Variants in STK11IP observed in about 807,000 individuals in gnomAD.
STK11IP encodes the protein serine/threonine kinase 11 interacting protein.
STK11IP carries 103 observed loss-of-function variants against 131.7 expected under a neutral mutation model. The ratio of observed to expected loss-of-function variants is 0.78; its 90% CI spans 0.67 to 0.92. STK11IP has a LOEUF of 0.92. Among genes scored for constraint, STK11IP ranks in the 40% least tolerant of loss-of-function variants. The probability of loss-of-function intolerance (pLI) is 0.00; values close to 1 mark genes in which losing one functional copy is unlikely to be tolerated. For synonymous variants in STK11IP, 557 were observed against 575.6 expected (o/e 0.97, Z 0.46); for missense variants, 1,315 against 1,385.7 (o/e 0.95, Z 0.81).
Position 219,608,211 on chromosome 2 carries a change from G to A in STK11IP, c.1384G>A (p.Gly462Ser), listed in dbSNP as rs756144480. ...CAGTGCACCTCCAGCCAGCTCCCAGGGCCCCGACACTGCACCCAGACCTTC... is the reference window on the plus strand; with the variant it reads ...CAGTGCACCTCCAGCCAGCTCCCAGAGCCCCGACACTGCACCCAGACCTTC... ...APSAPPASSQGPDTAPRPSPP... is the reference protein window; with the variant it reads ...APSAPPASSQSPDTAPRPSPP... Residue 462 changes from glycine (G) to serine (S), a missense_variant, in exon 14 of 25, where the codon GGC becomes AGC. Coordinates refer to ENST00000456909, the MANE Select transcript of STK11IP (RefSeq NM_052902.4). 3.7e-6 allele frequency: 6 copies of A among 1,613,482 alleles called. No homozygotes were observed. The East Asian group carries it at 1.1e-4, about 30-fold the overall frequency.
Position 219,608,321 on chromosome 2 carries a change from A to AGAGGAGAAGGAGGGGAAG in STK11IP, c.1508_1525dup (p.Gly503_Glu508dup). 6.2e-7 allele frequency: 1 copy of AGAGGAGAAGGAGGGGAAG among 1,604,404 alleles called. No individual in the cohort carries two copies. ...TCAGGGCGGAGCCACAGGAGGAGGAAGAGGAGAAGGAGGGGAAGGAGGAGA... is the reference window on the plus strand; with the variant it reads ...TCAGGGCGGAGCCACAGGAGGAGGAAGAGGAGAAGGAGGGGAAGGAGGAGAAGGAGGGGAAGGAGGAGA... On this transcript the variant is annotated inframe_insertion, in exon 14 of 25. Coordinates refer to ENST00000456909, the MANE Select transcript of STK11IP (RefSeq NM_052902.4).
intron 23 of STK11IP, 122 bp from the exon 24 acceptor site, chr2:219,614,972 C>G: frequency 8.2e-7 from 1 of 1,220,900 alleles, no homozygotes; most frequent in Non-Finnish European, 1.1e-6. Flanking sequence ...GGGGCACAGG[C>G]TGCTTTGTGA....
intron 17 of STK11IP, 160 bp downstream of exon 17, chr2:219,609,700 C>A: frequency 9.0e-6 from 7 of 781,138 alleles, no homozygotes; most frequent in South Asian, 1.8e-5. Flanking sequence ...CTGCCTGCTG[C>A]ATTTACAAAA....
chr2:219,610,359 G>A lies in STK11IP; in HGVS notation c.2104+819G>A, dbSNP rs547475622. ...TCTCTGGAGCCTCTTCCATGGTGGC[G>A]TTATTAATGAACATTACTGTGGGCT... On this transcript the variant is annotated intron_variant, in intron 17 of 24. Transcript: ENST00000456909. Among the ~76,000 whole-genome samples, 87 of 152,036 alleles carry A rather than the reference G, an allele frequency of 5.7e-4. 1 individual carries two copies. Among genetic ancestry groups the A allele is most frequent in the African/African-American group, 2.0e-3 (83 of 41,486 alleles).
At chr2:219,601,496 G>A (rs1261441375) in intron 3 of STK11IP, 56 bp downstream of exon 3, 2 of 1,590,866 alleles carry the variant, frequency 1.3e-6, no homozygotes, top group African/African-American at 1.3e-5. Flanking sequence ...AATGATGGAA[G>A]TTGGGGATAG....
chr2:219,616,205 T>C lies in STK11IP; in HGVS notation c.*12T>C. On this transcript the variant is annotated 3_prime_UTR_variant, in exon 25 of 25. Transcript: ENST00000456909. ...CCCTTGACCGATGAGGGTCCCACGC[T>C]GACCTTGGCCCTGACCTCAGGAGCC... 3.1e-6 allele frequency: 5 copies of C among 1,611,288 alleles called. No homozygotes were observed. The highest frequency in any genetic ancestry group is 4.2e-6 in the Non-Finnish European group (5 of 1,178,796).
At position 219,605,499 on chromosome 2, in the gene STK11IP, G is replaced by A. The variant is rs1001197546; in HGVS notation, c.619-109G>A. The A allele has an allele frequency of 1.2e-5, 13 of 1,043,228 alleles. No homozygotes were observed. In the African/African-American group the frequency reaches 1.9e-4, roughly 15 times the overall value. The allele number at this position is 1,043,228 out of a possible 1,614,324, so 64.6% of individuals were successfully genotyped here. A position where few individuals can be genotyped will look rare whatever the true frequency, so the allele number is the denominator to read the frequency against. The stretch of plus-strand genomic sequence containing the variant: ...ATGAAATCATTTGTGCTGAGTGTGT[G>A]CAGTTTTATATAGGCCAAGGTTGAG... On this transcript the variant is annotated intron_variant, in intron 7 of 24. Coordinates refer to ENST00000456909, the MANE Select transcript of STK11IP (RefSeq NM_052902.4).
Position 219,602,128 on chromosome 2 carries a change from T to C in STK11IP, c.438+45T>C, listed in dbSNP as rs1046607210. The C allele has an allele frequency of 7.1e-6, 10 of 1,399,204 alleles. No individual in the cohort carries two copies. In the Middle Eastern group the frequency reaches 1.4e-3, roughly 196 times the overall value. The allele number at this position is 1,399,204 out of a possible 1,614,324, so 86.7% of individuals were successfully genotyped here. On this transcript the variant is annotated intron_variant, in intron 5 of 24. Coordinates refer to ENST00000456909, the MANE Select transcript of STK11IP (RefSeq NM_052902.4). Reference sequence around the variant, plus strand: ...AGCTCAGACACCTCAACTTGAGAGATGTAGAAGACCAAGCTCTGATGTTCT... The same window carrying C: ...AGCTCAGACACCTCAACTTGAGAGACGTAGAAGACCAAGCTCTGATGTTCT...
rs745905689 is a variant in STK11IP, at chr2:219,607,119, C to G, written c.1201C>G (p.Leu401Val). 1 of 1,613,950 alleles carries G rather than the reference C, an allele frequency of 6.2e-7. No homozygotes were observed. Among genetic ancestry groups the G allele is most frequent in the South Asian group, 1.1e-5 (1 of 91,088 alleles). Residue 401 changes from leucine (L) to valine (V), a missense_variant, in exon 13 of 25, where the codon CTG becomes GTG. Coordinates refer to ENST00000456909, the MANE Select transcript of STK11IP (RefSeq NM_052902.4). Reference protein sequence around the residue: ...PSDTDPEPRTLNPSPAGWFVQ... With the variant: ...PSDTDPEPRTVNPSPAGWFVQ... ...TGATACGGACCCGGAGCCCCGAACT[C>G]TGAACCCCTCTCCGGCTGGTAAGTC... is the stretch of plus-strand genomic sequence containing the variant.
Position 219,608,567 on chromosome 2 carries a change from C to T in STK11IP, c.1604-16C>T, listed in dbSNP as rs1698280751. ...CTTTCCCTCCCTGCAGGCCTTTTCT[C>T]TTGGTCTCTCCACAGCGGAACTCTG... On this transcript the variant is annotated splice_polypyrimidine_tract_variant and intron_variant, in intron 14 of 24. Coordinates refer to ENST00000456909, the MANE Select transcript of STK11IP (RefSeq NM_052902.4). 1 of 1,566,862 alleles carries T rather than the reference C, an allele frequency of 6.4e-7. No individual in the cohort carries two copies. Among genetic ancestry groups the T allele is most frequent in the African/African-American group, 1.4e-5 (1 of 73,472 alleles).
At position 219,611,663 on chromosome 2, in the gene STK11IP, C is replaced by T. The variant is rs766908488; in HGVS notation, c.2164C>T (p.Arg722Trp). 1.3e-5 allele frequency: 21 copies of T among 1,613,066 alleles called. No homozygotes were observed. Among genetic ancestry groups the T allele is most frequent in the South Asian group, 8.8e-5 (8 of 91,076 alleles). The change falls in exon 18 of 25, where the codon CGG (arginine) becomes TGG (tryptophan). Residue 722 changes from arginine (R) to tryptophan (W), a missense_variant. Physicochemically the swap from Arg to Trp is moderately radical, Grantham distance 101. Transcript: ENST00000456909. ...CCACGTGGTTCTCCTCGCTGTGTCT[C>T]GGGGAACCCCCAACAGGGAGCGGAA... ...SDHVVLLAVS[R>W]GTPNRERKQG...
chr2:219,603,525 TTC>T (rs1420015368), intron 7 of STK11IP, among the ~76,000 whole-genome samples: 1 of 151,700 alleles, frequency 6.6e-6, no homozygotes, highest in Non-Finnish European at 1.5e-5. Flanking sequence ...GATTTTTTTT[TTC>T]TTTTTTTTTT....
chr2:219,598,538 G>A (rs1269008522), intron 2 of STK11IP: 2 of 199,704 alleles, frequency 1.0e-5, no homozygotes, highest in Non-Finnish European at 1.0e-5. Flanking sequence ...AGAAGCACGA[G>A]ATTTGGAGTC....
At chr2:219,607,599 C>A (rs1179410721) in intron 13 of STK11IP, among the ~76,000 whole-genome samples, 1 of 151,858 alleles carries the variant, frequency 6.6e-6, no homozygotes, top group Non-Finnish European at 1.5e-5. Context: ...TTCAAGGTTG[C>A]AGTGAGCTAT....
chr2:219,616,236 G>T lies in STK11IP; in HGVS notation c.*43G>T, dbSNP rs545544496. On this transcript the variant is annotated 3_prime_UTR_variant, in exon 25 of 25. Transcript: ENST00000456909. Reference sequence around the variant, plus strand: ...TGGCCCTGACCTCAGGAGCCACGCTGTAGACATTCCCTCTCCTGGTCTCTG... The same window carrying T: ...TGGCCCTGACCTCAGGAGCCACGCTTTAGACATTCCCTCTCCTGGTCTCTG... 3.9e-5 allele frequency: 62 copies of T among 1,584,692 alleles called. No homozygotes were observed. In the Admixed American group the frequency reaches 1.0e-3, roughly 26 times the overall value.
rs1698322143 is a variant in STK11IP, at chr2:219,609,507, G to A, written c.2071G>A (p.Glu691Lys). Residue 691 changes from glutamate (E) to lysine (K), a missense_variant, in exon 17 of 25, where the codon GAG becomes AAG. Coordinates refer to ENST00000456909, the MANE Select transcript of STK11IP (RefSeq NM_052902.4). ...GGAGCCCAGGATGGGATTAGACAGT[G>A]AGGAAGGCTGGAGGCCTCTGTTCCA... ...PEEPRMGLDSEEGWRPLFQKT... is the reference protein window; with the variant it reads ...PEEPRMGLDSKEGWRPLFQKT... The A allele has an allele frequency of 6.3e-7, 1 of 1,587,808 alleles. No homozygotes were observed. Among genetic ancestry groups the A allele is most frequent in the Admixed American group, 1.8e-5 (1 of 55,760 alleles).
rs1015747921 is a variant in STK11IP at position 219,613,948 on chromosome 2, A to T, written c.2716+18A>T. 7.8e-7 allele frequency: 1 copy of T among 1,284,172 alleles called. No homozygotes were observed. Among genetic ancestry groups the T allele is most frequent in the Non-Finnish European group, 1.1e-6 (1 of 928,540 alleles). The allele number at this position is 1,284,172 out of a possible 1,614,324, so 79.5% of individuals were successfully genotyped here. Reference sequence around the variant, plus strand: ...GCTCCTTGGTGAGAGAGGGGAGGGGAAGGCAGGAGGGTGGGCAGGAGGGTG... The same window carrying T: ...GCTCCTTGGTGAGAGAGGGGAGGGGTAGGCAGGAGGGTGGGCAGGAGGGTG... On this transcript the variant is annotated intron_variant, in intron 21 of 24. Coordinates refer to ENST00000456909, the MANE Select transcript of STK11IP (RefSeq NM_052902.4).
Position 219,605,747 on chromosome 2 carries a change from G to A in STK11IP, c.745+13G>A, listed in dbSNP as rs1451189842. 1 of 1,596,756 alleles carries A rather than the reference G, an allele frequency of 6.3e-7. No individual in the cohort carries two copies. Among genetic ancestry groups the A allele is most frequent in the Non-Finnish European group, 8.5e-7 (1 of 1,171,866 alleles). On this transcript the variant is annotated intron_variant, in intron 8 of 24. Transcript: ENST00000456909. ...CGGAGCCTGCATGGTGAGTGGGGGT[G>A]TGTGATGGGGCAAGCATGGAGGGGA...
intron 8 of STK11IP, 80 bp downstream of exon 8, chr2:219,605,814 C>T (rs2106153167): frequency 6.5e-7 from 1 of 1,536,970 alleles, no homozygotes; most frequent in South Asian, 1.2e-5. Flanking sequence ...GACCATGTGC[C>T]TCTAGAGCCT....
Sources: allele counts gnomAD v4.1 joint callset (sites outside exome capture counted in the v4.1 genomes callset), GRCh38; gene constraint gnomAD v4.1.1; transcripts MANE v1.5; gene names NCBI Gene and HGNC (gene_info 2026-07-23, HGNC 2026-07-21).